The following CBLB variants were observed in gnomAD, a reference collection of about 807,000 sequenced individuals.
CBLB encodes the protein E3 ubiquitin-protein ligase CBL-B.
CBLB carries 31 observed loss-of-function variants against 104.9 expected under a neutral mutation model. The observed-to-expected ratio is 0.30, with a 90% CI of 0.22 to 0.40. The LOEUF is 0.40. CBLB is among the 10% of genes least tolerant of loss of function. The probability of loss-of-function intolerance (pLI) is 1.00; values close to 1 mark genes in which losing one functional copy is unlikely to be tolerated. For missense variants in CBLB, 1,062 were observed against 1,214.6 expected (o/e 0.87, Z 1.87); for synonymous variants, 440 against 422.6 (o/e 1.04, Z -0.51).
At chr3:105,732,013 T>C (rs1203516862) in intron 9 of CBLB, among the ~76,000 whole-genome samples, 2 of 152,234 alleles carry the variant, frequency 1.3e-5, no homozygotes, top group East Asian at 3.8e-4. Flanking sequence ...ATTCTGATTT[T>C]CTTCAGGGAG....
Position 105,657,237 on chromosome 3 carries a change from C to T in CBLB, c.*1733G>A, listed in dbSNP as rs541326718. ...GTCTTTTGTATAACATTAATTTCCA[C>T]CAGATCTACTAGATGTTCAGTCATG... is the stretch of plus-strand genomic sequence containing the variant. On this transcript the variant is annotated 3_prime_UTR_variant, in exon 19 of 19. Transcript: ENST00000394030. The T allele has an allele frequency of 4.5e-6, 1 of 220,936 alleles. No homozygotes were observed. Among genetic ancestry groups the T allele is most frequent in the Non-Finnish European group, 9.1e-6 (1 of 110,332 alleles). The allele number at this position is 220,936 out of a possible 1,614,324, so 13.7% of individuals were successfully genotyped here.
rs532530635 is a variant in CBLB, at chr3:105,812,728, A to C, written c.420-36186T>G. Reference sequence around the variant, plus strand: ...CAGGAAGATCTTATAGGTGATATTTAGATGTGGTATCTATCAGAAATGTGG... The same window carrying C: ...CAGGAAGATCTTATAGGTGATATTTCGATGTGGTATCTATCAGAAATGTGG... On this transcript the variant is annotated intron_variant, in intron 3 of 18. Transcript: ENST00000394030. Among the ~76,000 whole-genome samples, 3 of 152,326 alleles carry C rather than the reference A, an allele frequency of 2.0e-5. No homozygotes were observed. In the East Asian group the frequency reaches 5.8e-4, roughly 29 times the overall value.
intron 3 of CBLB, among the ~76,000 whole-genome samples, chr3:105,826,828 T>C (rs563334333): frequency 6.6e-6 from 1 of 152,314 alleles, no homozygotes; most frequent in Admixed American, 6.5e-5. Flanking sequence ...GGATTTTCTA[T>C]GTTGGTATGA....
chr3:105,747,669 T>G (rs988442105), intron 5 of CBLB, among the ~76,000 whole-genome samples: 1 of 152,196 alleles, frequency 6.6e-6, no homozygotes, highest in Non-Finnish European at 1.5e-5. Flanking sequence ...GCATATATTT[T>G]AAAAAACTGA....
At chr3:105,730,334 T>C (rs2152850588) in intron 9 of CBLB, among the ~76,000 whole-genome samples, 1 of 152,252 alleles carries the variant, frequency 6.6e-6, no homozygotes, top group Non-Finnish European at 1.5e-5. Flanking sequence ...CTAGGATTCG[T>C]TCTCAGATAC....
intron 3 of CBLB, among the ~76,000 whole-genome samples, chr3:105,841,717 T>C (rs971727983): frequency 2.0e-5 from 3 of 151,880 alleles, no homozygotes; most frequent in Non-Finnish European, 4.4e-5. Context: ...CCTCCCAAAG[T>C]GCTGGGATTA....
intron 17 of CBLB, among the ~76,000 whole-genome samples, chr3:105,677,814 T>C (rs2065838552): frequency 6.7e-6 from 1 of 148,872 alleles, no homozygotes; most frequent in Admixed American, 6.7e-5. Flanking sequence ...TAATATTATA[T>C]AATATATACA....
Position 105,702,476 on chromosome 3 carries a change from G to GGAAAA in CBLB, c.1594-18_1594-17insTTTTC. The stretch of plus-strand genomic sequence containing the variant: ...AGGAGAAGACTAAAGAAACAGAAGA[G>GGAAAA]AAAAAAAAAAAAAAAAAAAAAAACT... On this transcript the variant is annotated splice_polypyrimidine_tract_variant and intron_variant, in intron 11 of 18. Coordinates refer to ENST00000394030, the MANE Select transcript of CBLB (RefSeq NM_170662.5). 1 of 277,060 alleles carries GGAAAA rather than the reference G, an allele frequency of 3.6e-6. No individual in the cohort carries two copies. The highest frequency in any genetic ancestry group is 5.2e-6 in the Non-Finnish European group (1 of 190,574). 17.2% of individuals were successfully genotyped at this position (277,060 alleles called of 1,614,324 possible).
chr3:105,748,340 T>A (rs1310853999), intron 5 of CBLB, among the ~76,000 whole-genome samples: 2 of 152,206 alleles, frequency 1.3e-5, no homozygotes, highest in Non-Finnish European at 2.9e-5. Flanking sequence ...TCTCTATAAT[T>A]CTTTACTACA....
In CBLB at chr3:105,840,645, G is replaced by C. The variant is rs975201714; in HGVS notation, c.419+12769C>G. Among the ~76,000 whole-genome samples, 24 of 152,248 alleles carry C rather than the reference G, an allele frequency of 1.6e-4. 1 individual carries two copies. In the East Asian group the frequency reaches 2.1e-3, roughly 13 times the overall value. On this transcript the variant is annotated intron_variant, in intron 3 of 18. Coordinates refer to ENST00000394030, the MANE Select transcript of CBLB (RefSeq NM_170662.5). The stretch of plus-strand genomic sequence containing the variant: ...ACATGAATATTACATGCACACCCCA[G>C]TGTGTCAAGTCATGTAACCTCCAAT...
chr3:105,716,111 A>G (rs886269599), intron 10 of CBLB, among the ~76,000 whole-genome samples: 1 of 152,230 alleles, frequency 6.6e-6, no homozygotes, highest in Non-Finnish European at 1.5e-5. Flanking sequence ...TGCATGAATG[A>G]ATGACAAAAG....
intron 10 of CBLB, among the ~76,000 whole-genome samples, chr3:105,706,150 T>A (rs1427648237): frequency 6.6e-6 from 1 of 151,722 alleles, no homozygotes; most frequent in Non-Finnish European, 1.5e-5. Flanking sequence ...TCTAAAAAAA[T>A]AATAAAATAA....
intron 2 of CBLB, among the ~76,000 whole-genome samples, chr3:105,865,110 A>G (rs1303352861): frequency 1.3e-5 from 2 of 152,178 alleles, no homozygotes; most frequent in Non-Finnish European, 2.9e-5. Flanking sequence ...CTTCAGAACT[A>G]ATAATAAAGT....
At chr3:105,785,708 A>C (rs1274984259) in intron 3 of CBLB, among the ~76,000 whole-genome samples, 2 of 152,206 alleles carry the variant, frequency 1.3e-5, no homozygotes, top group African/African-American at 2.4e-5. Context: ...GAAAAAAGTC[A>C]TCTCTCTGGT....
rs573256382 is a variant in CBLB, at chr3:105,809,441, T to C, written c.420-32899A>G. Reference sequence around the variant, plus strand: ...GCAGGAGGCTATACTACCAGCTCAGTAGATGCTCCCATCACAGAGCCAGCC... The same window carrying C: ...GCAGGAGGCTATACTACCAGCTCAGCAGATGCTCCCATCACAGAGCCAGCC... On this transcript the variant is annotated intron_variant, in intron 3 of 18. Coordinates refer to ENST00000394030, the MANE Select transcript of CBLB (RefSeq NM_170662.5). Among the ~76,000 whole-genome samples, 136 of 152,288 alleles carry C rather than the reference T, an allele frequency of 8.9e-4. 1 individual carries two copies. The highest frequency in any genetic ancestry group is 4.6e-4 in the Non-Finnish European group (31 of 68,012).
At chr3:105,753,672 A>C (rs1048262952) in intron 4 of CBLB, among the ~76,000 whole-genome samples, 1 of 152,198 alleles carries the variant, frequency 6.6e-6, no homozygotes, top group African/African-American at 2.4e-5. Context: ...ATACAACGTA[A>C]AGTGGTCAAA....
At chr3:105,685,661 T>C (rs2066916919) in intron 13 of CBLB, among the ~76,000 whole-genome samples, 195 bp from the exon 14 acceptor site, 1 of 152,188 alleles carries the variant, frequency 6.6e-6, no homozygotes, top group African/African-American at 2.4e-5. Context: ...AGACCCTTGA[T>C]GGGATAAAAG....
intron 4 of CBLB, among the ~76,000 whole-genome samples, chr3:105,756,388 G>C (rs181317331): frequency 3.3e-5 from 5 of 152,030 alleles, no homozygotes; most frequent in African/African-American, 9.6e-5. Context: ...CTATCTAAAA[G>C]TCCCAAATAA....
At chr3:105,702,501 T>TAAAAAAAAAAAAAAAAA (rs1553727160) in intron 11 of CBLB, 42 bp from the exon 12 acceptor site, 3 of 903,576 alleles carry the variant, frequency 3.3e-6, no homozygotes, top group African/African-American at 5.2e-5. Context: ...AAAAAAAAAC[T>TAAAAAAAAAAAAAAAAA]AAAGGTTGTA....
Sources: allele counts gnomAD v4.1 joint callset (sites outside exome capture counted in the v4.1 genomes callset), GRCh38; gene constraint gnomAD v4.1.1; transcripts MANE v1.5; gene names NCBI Gene and HGNC (gene_info 2026-07-23, HGNC 2026-07-21).